Variants in MYO18B observed in about 807,000 individuals in gnomAD.
The protein encoded by MYO18B is unconventional myosin-XVIIIb.
A neutral mutation model predicts 273.0 loss-of-function variants in MYO18B; 204 were observed. That is an observed-to-expected ratio of 0.75 (90% CI 0.67 to 0.84). MYO18B has a LOEUF of 0.84. MYO18B is among the 40% of genes least tolerant of loss of function. The probability of loss-of-function intolerance (pLI) is 0.00; values close to 1 mark genes in which losing one functional copy is unlikely to be tolerated. For synonymous variants in MYO18B, 1,330 were observed against 1,305.7 expected (o/e 1.02, Z -0.40); for missense variants, 3,212 against 3,287.6 (o/e 0.98, Z 0.56).
intron 39 of MYO18B, among the ~76,000 whole-genome samples, chr22:25,979,742 G>A (rs1013354417): frequency 1.3e-5 from 2 of 152,044 alleles, no homozygotes; most frequent in Non-Finnish European, 2.9e-5. Context: ...CAAACCTTGC[G>A]ACTGAAAAAC....
chr22:25,880,067 G>A (rs569770501), intron 25 of MYO18B, among the ~76,000 whole-genome samples: 1 of 152,266 alleles, frequency 6.6e-6, no homozygotes, highest in East Asian at 1.9e-4. Flanking sequence ...CATATCATAT[G>A]CTATTATGTT....
chr22:25,788,358 G>C (rs2087490050), intron 11 of MYO18B, among the ~76,000 whole-genome samples: 2 of 152,314 alleles, frequency 1.3e-5, no homozygotes, highest in Non-Finnish European at 2.9e-5. Context: ...AGTCCCCAAG[G>C]CTGTCAGGCT....
Position 26,027,153 on chromosome 22 carries a change from T to C in MYO18B, c.7179T>C (p.Asp2393=). Reference sequence around the variant, plus strand: ...GGTGTCTGGAGTCCTCTGTGGACGATGCGGGCTGTCCAGACCTTGGAAAGG... The same window carrying C: ...GGTGTCTGGAGTCCTCTGTGGACGACGCGGGCTGTCCAGACCTTGGAAAGG... ...RRRCLESSVD[D]AGCPDLGKEP... is the part of the protein sequence containing the mutation. The change falls in exon 43 of 44, where the codon GAT becomes GAC. Residue 2393 remains aspartate (D), a synonymous_variant. Coordinates refer to ENST00000335473, the MANE Select transcript of MYO18B (RefSeq NM_032608.7). This position sits in a 1 kb window ranked among gnomAD's most constrained non-coding sequence, Gnocchi z 4.1. The C allele has an allele frequency of 1.9e-6, 3 of 1,613,996 alleles. No homozygotes were observed. Among genetic ancestry groups the C allele is most frequent in the East Asian group, 2.2e-5 (1 of 44,870 alleles).
At chr22:26,004,942 C>T in intron 42 of MYO18B, 87 bp downstream of exon 42, 1 of 1,537,284 alleles carries the variant, frequency 6.5e-7, no homozygotes, top group Non-Finnish European at 8.9e-7. Context: ...CTTTCATTGT[C>T]TCTGGCATAG....
intron 17 of MYO18B, among the ~76,000 whole-genome samples, chr22:25,841,676 G>A (rs1292935841): frequency 2.6e-5 from 4 of 152,102 alleles, no homozygotes; most frequent in African/African-American, 7.2e-5. Context: ...GCTAGGAGCC[G>A]GGGCTTAGCA....
rs973827550 is a variant in MYO18B at position 25,992,640 on chromosome 22, A to G, written c.6287+147A>G. ...GGAGGCACCCCTCGTTTACTTGGGT[A>G]AGGAGAGACTGGATGTTGCCCTGCT... is the stretch of plus-strand genomic sequence containing the variant. On this transcript the variant is annotated intron_variant, in intron 40 of 43. Coordinates refer to ENST00000335473, the MANE Select transcript of MYO18B (RefSeq NM_032608.7). 6.6e-6 allele frequency: 7 copies of G among 1,058,040 alleles called. No individual in the cohort carries two copies. In the Admixed American group the frequency reaches 6.9e-5, roughly 10 times the overall value. The allele number at this position is 1,058,040 out of a possible 1,614,324, so 65.5% of individuals were successfully genotyped here.
intron 33 of MYO18B, among the ~76,000 whole-genome samples, chr22:25,916,660 A>T (rs1039086609): frequency 6.6e-5 from 10 of 152,216 alleles, no homozygotes; most frequent in African/African-American, 1.9e-4. Context: ...GACAGATAAC[A>T]TGGTAGAATG....
chr22:25,954,763 G>A (rs984584033), intron 38 of MYO18B, among the ~76,000 whole-genome samples: 8 of 152,166 alleles, frequency 5.3e-5, no homozygotes, highest in Admixed American at 3.3e-4. Context: ...CCAGGCTGGA[G>A]TGCAGTGGCG....
chr22:25,833,710 A>G (rs1601835697), intron 16 of MYO18B, among the ~76,000 whole-genome samples: 1 of 152,204 alleles, frequency 6.6e-6, no homozygotes, highest in East Asian at 1.9e-4. Context: ...CATTTCCAGA[A>G]TGGGGATGCT....
At chr22:26,038,209 C>T in the MYO18B span, among the ~76,000 whole-genome samples, 1 of 152,268 alleles carries the variant, frequency 6.6e-6, no homozygotes, top group Non-Finnish European at 1.5e-5. Flanking sequence ...AACTAGGGTG[C>T]ACTAAAGAAT....
chr22:25,914,756 G>A (rs1341834142), intron 33 of MYO18B, among the ~76,000 whole-genome samples: 1 of 130,828 alleles, frequency 7.6e-6, no homozygotes, highest in Non-Finnish European at 1.6e-5. Context: ...AAGTGCAGCG[G>A]CGCGATCTCA....
intron 17 of MYO18B, among the ~76,000 whole-genome samples, chr22:25,837,014 C>T (rs1239165811): frequency 2.1e-5 from 3 of 143,888 alleles, no homozygotes; most frequent in Non-Finnish European, 4.6e-5. Context: ...AATAATAAGG[C>T]AAATGCACTT....
chr22:25,767,671 A>G (rs1273691269), intron 3 of MYO18B, among the ~76,000 whole-genome samples: 2 of 152,338 alleles, frequency 1.3e-5, no homozygotes, highest in African/African-American at 4.8e-5. Context: ...CCAGGCAGAA[A>G]TAACAACAGT....
chr22:25,997,924 A>G (rs1445755746), intron 40 of MYO18B, among the ~76,000 whole-genome samples: 2 of 121,776 alleles, frequency 1.6e-5, no homozygotes, highest in African/African-American at 3.5e-5. Flanking sequence ...AAGCCAACCC[A>G]GGAGAGAAAC....
At chr22:25,972,850 G>A (rs547137872) in intron 39 of MYO18B, among the ~76,000 whole-genome samples, 41 of 152,002 alleles carry the variant, frequency 2.7e-4, no homozygotes, top group Non-Finnish European at 4.7e-4. Context: ...CTGCTACTCC[G>A]GTGGCTGAGG....
rs1311663743 is a variant in MYO18B, at chr22:26,027,850, A to C, written c.*12+160A>C. The C allele has an allele frequency of 1.4e-6, 1 of 729,290 alleles. No individual in the cohort carries two copies. The highest frequency in any genetic ancestry group is 2.2e-6 in the Non-Finnish European group (1 of 459,174). The allele number at this position is 729,290 out of a possible 1,614,324, so 45.2% of individuals were successfully genotyped here. A position where few individuals can be genotyped will look rare whatever the true frequency, so the allele number is the denominator to read the frequency against. On this transcript the variant is annotated intron_variant, in intron 43 of 43. Transcript: ENST00000335473. The surrounding 1 kb of genome is among the most constrained non-coding windows in gnomAD (Gnocchi z 4.1). ...TGAAGTCATGTGTTGATGGATGCAA[A>C]GCTTTTCAGAACCCCTCTGCTGGGT...
At chr22:26,054,026 G>A in the MYO18B span, among the ~76,000 whole-genome samples, 1 of 152,098 alleles carries the variant, frequency 6.6e-6, no homozygotes, top group Admixed American at 6.5e-5. Flanking sequence ...GGGTGAACTC[G>A]GGCCAACAGG....
chr22:25,867,487 C>T (rs1188906639), intron 21 of MYO18B, among the ~76,000 whole-genome samples: 1 of 152,200 alleles, frequency 6.6e-6, no homozygotes. Context: ...GAATAATATT[C>T]CATTGTATGG....
chr22:25,858,369 G>T (rs1157358904), intron 21 of MYO18B, among the ~76,000 whole-genome samples: 1 of 152,222 alleles, frequency 6.6e-6, no homozygotes, highest in Non-Finnish European at 1.5e-5. Flanking sequence ...ATGGGGGCAG[G>T]TGCTATATGG....
Sources: gnomAD v4.1 joint callset for allele counts (sites outside exome capture counted in the v4.1 genomes callset) on GRCh38, gnomAD v4.1.1 for gene constraint, Gnocchi (gnomAD v3.1) non-coding constraint, MANE v1.5 for transcripts, NCBI Gene and HGNC (gene_info 2026-07-23, HGNC 2026-07-21) for gene names.